Variants in DNAAF11 observed in about 807,000 individuals in gnomAD.
DNAAF11 encodes the protein leucine rich repeat containing 6.
A neutral mutation model predicts 60.8 loss-of-function variants in DNAAF11; 45 were observed. That is an observed-to-expected ratio of 0.74 (90% CI 0.58 to 0.95). DNAAF11 has a LOEUF of 0.95. DNAAF11 is among the 40% of genes least tolerant of loss of function. The pLI is 0.00. For synonymous variants in DNAAF11, 191 were observed against 183.5 expected (o/e 1.04, Z -0.33); for missense variants, 546 against 546.2 (o/e 1.00, Z 0.00).
intron 3 of DNAAF11, among the ~76,000 whole-genome samples, chr8:132,638,889 T>G (rs1821578342): frequency 1.3e-5 from 2 of 152,166 alleles, no homozygotes; most frequent in African/African-American, 4.8e-5. Context: ...AGTCCAGACT[T>G]GGGAATTAGA....
chr8:132,596,670 A>C (rs547832625), intron 10 of DNAAF11, among the ~76,000 whole-genome samples: 1 of 152,274 alleles, frequency 6.6e-6, no homozygotes, highest in Admixed American at 6.5e-5. Flanking sequence ...AGTGGTGTTC[A>C]CAGTAGGTGA....
chr8:132,577,459 C>T (rs950371246), intron 11 of DNAAF11, among the ~76,000 whole-genome samples: 5 of 152,156 alleles, frequency 3.3e-5, no homozygotes, highest in African/African-American at 4.8e-5. Context: ...TCAGTACATA[C>T]AGAAATATAG....
chr8:132,651,778 C>T (rs1181332244), intron 3 of DNAAF11, among the ~76,000 whole-genome samples: 1 of 152,170 alleles, frequency 6.6e-6, no homozygotes, highest in Non-Finnish European at 1.5e-5. Flanking sequence ...TAGATAGAAA[C>T]TTCATTACCA....
At chr8:132,631,018 C>T (rs1196067921) in intron 5 of DNAAF11, among the ~76,000 whole-genome samples, 1 of 152,152 alleles carries the variant, frequency 6.6e-6, no homozygotes, top group Non-Finnish European at 1.5e-5. Flanking sequence ...AATGCCATTG[C>T]TAAATACCCT....
upstream of DNAAF11, among the ~76,000 whole-genome samples, chr8:132,678,609 T>G (rs915628619): frequency 4.6e-5 from 7 of 152,060 alleles, no homozygotes; most frequent in African/African-American, 1.7e-4. Context: ...GGTCTTGAAC[T>G]CCTGGCCTCA....
At position 132,638,121 on chromosome 8, in the gene DNAAF11, TA is replaced by T. The variant is rs1398053690; in HGVS notation, c.257-15del. Reference sequence around the variant, plus strand: ...GCTCTTCACATCCTGTTGAGAAAAATAAAGTGAAAACAAAGCAAACAAAGAA... The same window carrying T: ...GCTCTTCACATCCTGTTGAGAAAAATAAGTGAAAACAAAGCAAACAAAGAA... On this transcript the variant is annotated splice_polypyrimidine_tract_variant and intron_variant, in intron 3 of 11. Coordinates refer to ENST00000620350, the MANE Select transcript of DNAAF11 (RefSeq NM_012472.6). 1.2e-6 allele frequency: 2 copies of T among 1,608,192 alleles called. No individual in the cohort carries two copies. Among genetic ancestry groups the T allele is most frequent in the Non-Finnish European group, 1.7e-6 (2 of 1,177,062 alleles).
chr8:132,632,998 C>G (rs771249725), intron 4 of DNAAF11, 35 bp from the exon 5 acceptor site: 2 of 1,455,748 alleles, frequency 1.4e-6, no homozygotes, highest in South Asian at 1.2e-5. Flanking sequence ...TACAATTGTT[C>G]AAAAGTAGCA....
intron 4 of DNAAF11, 30 bp from the exon 5 acceptor site, chr8:132,632,993 T>C (rs1271835442): frequency 4.6e-6 from 7 of 1,522,670 alleles, no homozygotes; most frequent in African/African-American, 4.1e-5. Flanking sequence ...TATAGTACAA[T>C]TGTTCAAAAG....
chr8:132,693,637 G>A, the DNAAF11 span, among the ~76,000 whole-genome samples: 4 of 152,098 alleles, frequency 2.6e-5, no homozygotes, highest in Admixed American at 2.6e-4. Context: ...GGCATGTCAG[G>A]TACTACTAAG....
Position 132,607,627 on chromosome 8 carries a change from A to T in DNAAF11, c.1140+2539T>A, listed in dbSNP as rs1010445020. ...CATCATGAAAAAACGCTGAGTAACC[A>T]CTGTTTTGTTCTCTATCTCTGTATA... On this transcript the variant is annotated intron_variant, in intron 10 of 11. Transcript: ENST00000620350. Among the ~76,000 whole-genome samples, 26 of 152,296 alleles carry T rather than the reference A, an allele frequency of 1.7e-4. 1 individual carries two copies. The highest frequency in any genetic ancestry group is 6.3e-4 in the African/African-American group (26 of 41,570).
the DNAAF11 span, among the ~76,000 whole-genome samples, chr8:132,685,446 C>T: frequency 6.7e-4 from 102 of 152,124 alleles, no homozygotes; most frequent in Non-Finnish European, 1.2e-3. Context: ...ATTTTAATTG[C>T]TAATATATTC....
chr8:132,649,167 G>A, intron 3 of DNAAF11, among the ~76,000 whole-genome samples: 1 of 152,138 alleles, frequency 6.6e-6, no homozygotes, highest in Non-Finnish European at 1.5e-5. Flanking sequence ...TACCAAAACA[G>A]AGATATAGAC....
intron 11 of DNAAF11, among the ~76,000 whole-genome samples, chr8:132,573,321 T>A (rs1180905392): frequency 6.6e-6 from 1 of 152,182 alleles, no homozygotes; most frequent in Non-Finnish European, 1.5e-5. Flanking sequence ...ACGTGTTAAA[T>A]ATCTATGATA....
At chr8:132,574,818 G>T (rs1389497014) in intron 11 of DNAAF11, among the ~76,000 whole-genome samples, 3 of 152,216 alleles carry the variant, frequency 2.0e-5, no homozygotes, top group Non-Finnish European at 4.4e-5. Context: ...AAGAGGAATA[G>T]TCAGCCAAGT....
At chr8:132,587,068 T>C (rs1281285360) in intron 10 of DNAAF11, among the ~76,000 whole-genome samples, 3 of 152,144 alleles carry the variant, frequency 2.0e-5, no homozygotes, top group African/African-American at 7.2e-5. Context: ...TACATTGCAA[T>C]ACATGCACCA....
intron 3 of DNAAF11, among the ~76,000 whole-genome samples, chr8:132,641,555 AAAG>A (rs1342363932): frequency 6.6e-6 from 1 of 152,176 alleles, no homozygotes; most frequent in African/African-American, 2.4e-5. Flanking sequence ...GGGAAGGAGA[AAAG>A]AAAGAATGAG....
chr8:132,635,073 T>C (rs1821162448), intron 4 of DNAAF11, among the ~76,000 whole-genome samples: 1 of 152,178 alleles, frequency 6.6e-6, no homozygotes, highest in African/African-American at 2.4e-5. Flanking sequence ...AAAGACCTCA[T>C]ATTAATAACT....
intron 7 of DNAAF11, among the ~76,000 whole-genome samples, chr8:132,615,818 T>A (rs1447754727): frequency 6.6e-6 from 1 of 152,222 alleles, no homozygotes; most frequent in Non-Finnish European, 1.5e-5. Context: ...CAATTTTCTT[T>A]TGAACATTTC....
At chr8:132,630,758 T>C (rs987853423) in intron 5 of DNAAF11, among the ~76,000 whole-genome samples, 1 of 152,050 alleles carries the variant, frequency 6.6e-6, no homozygotes. Flanking sequence ...AATAAACATA[T>C]AAAAGATATT....
Sources: allele counts gnomAD v4.1 joint callset (sites outside exome capture counted in the v4.1 genomes callset), GRCh38; gene constraint gnomAD v4.1.1; transcripts MANE v1.5; gene names NCBI Gene and HGNC (gene_info 2026-07-23, HGNC 2026-07-21).